Variants in CSMD1 observed in about 807,000 individuals in gnomAD.
CSMD1 encodes the protein CUB and Sushi multiple domains 1.
A neutral mutation model predicts 417.5 loss-of-function variants in CSMD1; 213 were observed. The ratio of observed to expected loss-of-function variants is 0.51; its 90% CI spans 0.46 to 0.57. The LOEUF (loss-of-function observed/expected upper bound fraction) is 0.57, where lower values mean the gene tolerates loss of function less well. Ranked by LOEUF, CSMD1 falls within the 20% of genes least tolerant of loss-of-function variation. The pLI is 0.00. For missense variants in CSMD1, 6,923 were observed against 4,529.7 expected, an observed-to-expected ratio of 1.53 and a Z score of -15.17; for synonymous variants, 2,862 against 1,736.8, an observed-to-expected ratio of 1.65 and a Z score of -16.11.
chr8:3,128,877 C>T (rs1463321549), intron 41 of CSMD1: 1 of 455,278 alleles, frequency 2.2e-6, no homozygotes, highest in African/African-American at 2.0e-5. Flanking sequence ...CATGGGAAAG[C>T]AGGACCAATG....
At chr8:3,262,591 C>G (rs963026767) in intron 26 of CSMD1, among the ~76,000 whole-genome samples, 1 of 151,030 alleles carries the variant, frequency 6.6e-6, no homozygotes, top group East Asian at 1.9e-4. Context: ...CTGTTAAAAC[C>G]TCTGAAAATG....
At chr8:4,550,226 T>C (rs1797810401) in intron 2 of CSMD1, among the ~76,000 whole-genome samples, 1 of 151,902 alleles carries the variant, frequency 6.6e-6, no homozygotes, top group South Asian at 2.1e-4. Flanking sequence ...AAAGCACATT[T>C]CTCAGCCTTC....
At chr8:3,783,696 T>G (rs1799301538) in intron 5 of CSMD1, among the ~76,000 whole-genome samples, 1 of 152,098 alleles carries the variant, frequency 6.6e-6, no homozygotes, top group East Asian at 1.9e-4. Context: ...AAACGGAGGC[T>G]CCCCTCCCCT....
In CSMD1 at chr8:3,087,172, C is replaced by T. The variant is rs775884593; in HGVS notation, c.7399G>A (p.Gly2467Ser). The change falls in exon 49 of 70, where the codon GGC becomes AGC. Residue 2467 changes from glycine (G) to serine (S), a missense_variant. Transcript: ENST00000635120. ...CGTCTACAGGTTGCATTGCTGTGGC[C>T]GACCATTCGGTATCCAGGCTTGCAA... ...YFCKPGYRMVGHSNATCRRNP... is the reference protein window; with the variant it reads ...YFCKPGYRMVSHSNATCRRNP... 12 of 1,613,894 alleles carry T rather than the reference C, an allele frequency of 7.4e-6. No individual in the cohort carries two copies. Among genetic ancestry groups the T allele is most frequent in the Admixed American group, 5.0e-5 (3 of 60,032 alleles).
intron 2 of CSMD1, among the ~76,000 whole-genome samples, chr8:4,461,193 T>G (rs1369074183): frequency 1.3e-5 from 2 of 151,938 alleles, no homozygotes; most frequent in Non-Finnish European, 2.9e-5. Flanking sequence ...TCAACATTCT[T>G]TGATGATAAA....
intron 1 of CSMD1, among the ~76,000 whole-genome samples, chr8:4,963,114 C>T (rs144284655): frequency 4.2e-4 from 64 of 152,192 alleles, no homozygotes; most frequent in Non-Finnish European, 7.9e-4. Flanking sequence ...AGGCTTATTT[C>T]CCATGGGTGG....
chr8:3,671,256 ATG>A (rs1171101682), intron 7 of CSMD1, among the ~76,000 whole-genome samples: 1,418 of 106,760 alleles, frequency 0.013, 17 homozygotes, highest in African/African-American at 0.032. Context: ...GGATATATAT[ATG>A]TATATATATA....
At chr8:4,972,304 G>GC (rs1810287317) in intron 1 of CSMD1, among the ~76,000 whole-genome samples, 1 of 150,224 alleles carries the variant, frequency 6.7e-6, no homozygotes, top group African/African-American at 2.5e-5. Context: ...ATCTTGAATT[G>GC]TAATCCCCTA....
intron 3 of CSMD1, among the ~76,000 whole-genome samples, chr8:4,066,755 C>T (rs1799271111): frequency 6.6e-6 from 1 of 152,104 alleles, no homozygotes; most frequent in South Asian, 2.1e-4. Context: ...ATCCAAACCA[C>T]AAGCAAATAC....
intron 41 of CSMD1, among the ~76,000 whole-genome samples, chr8:3,120,450 A>G (rs1407809995): frequency 6.6e-6 from 1 of 152,176 alleles, no homozygotes; most frequent in Non-Finnish European, 1.5e-5. Context: ...CTTCATTAAC[A>G]TTTGCCAAAT....
chr8:4,785,774 C>G (rs751235768), intron 1 of CSMD1, among the ~76,000 whole-genome samples: 6 of 152,082 alleles, frequency 3.9e-5, no homozygotes, highest in Non-Finnish European at 8.8e-5. Flanking sequence ...TTTATTCTCC[C>G]GGGAACCTTA....
chr8:4,951,256 C>A (rs994406148), intron 1 of CSMD1, among the ~76,000 whole-genome samples: 1 of 152,080 alleles, frequency 6.6e-6, no homozygotes, highest in African/African-American at 2.4e-5. Context: ...TGTGTCATTG[C>A]TGATAACGAC....
chr8:3,547,297 G>C (rs1798708274), intron 10 of CSMD1, among the ~76,000 whole-genome samples: 1 of 152,214 alleles, frequency 6.6e-6, no homozygotes, highest in Admixed American at 6.5e-5. Flanking sequence ...ACAAGAAAAT[G>C]AAATGAATGT....
chr8:4,038,827 C>G (rs955104774), intron 3 of CSMD1, among the ~76,000 whole-genome samples: 1 of 152,112 alleles, frequency 6.6e-6, no homozygotes, highest in Non-Finnish European at 1.5e-5. Flanking sequence ...TCCACTGGAC[C>G]CCATGAAGCC....
chr8:4,883,823 T>G (rs533863330), intron 1 of CSMD1, among the ~76,000 whole-genome samples: 1 of 152,222 alleles, frequency 6.6e-6, no homozygotes, highest in East Asian at 1.9e-4. Context: ...TGAGCATTTA[T>G]TTTAATTTCT....
chr8:4,826,937 C>T (rs11784939), intron 1 of CSMD1, among the ~76,000 whole-genome samples: 6,824 of 152,178 alleles, frequency 0.045, 181 homozygotes, highest in African/African-American at 0.067. Context: ...GCTTACTACT[C>T]ACCCTTGAGT....
At chr8:2,992,391 G>T (rs542581684) in intron 54 of CSMD1, among the ~76,000 whole-genome samples, 1 of 151,966 alleles carries the variant, frequency 6.6e-6, no homozygotes, top group Non-Finnish European at 1.5e-5. Context: ...ACTTTAGAAC[G>T]GTTAACTAGG....
intron 19 of CSMD1, among the ~76,000 whole-genome samples, chr8:3,368,590 T>A (rs1809753116): frequency 6.6e-6 from 1 of 152,188 alleles, no homozygotes; most frequent in Admixed American, 6.5e-5. Flanking sequence ...ACACCTGTCT[T>A]GGCCTCCCGA....
chr8:4,385,849 C>A (rs1236040387), intron 3 of CSMD1, among the ~76,000 whole-genome samples: 1 of 152,108 alleles, frequency 6.6e-6, no homozygotes, highest in Non-Finnish European at 1.5e-5. Flanking sequence ...CTGTTAAAAT[C>A]TGGATATTTA....
Sources: gnomAD v4.1 joint callset for allele counts (sites outside exome capture counted in the v4.1 genomes callset) on GRCh38, gnomAD v4.1.1 for gene constraint, MANE v1.5 for transcripts, NCBI Gene and HGNC (gene_info 2026-07-23, HGNC 2026-07-21) for gene names.